VPS35L: variants seen among roughly 807,000 people sequenced by gnomAD.
VPS35L encodes the protein VPS35 endosomal protein-sorting factor-like.
VPS35L carries 83 observed loss-of-function variants against 133.0 expected under a neutral mutation model. The ratio of observed to expected loss-of-function variants is 0.62; its 90% CI spans 0.52 to 0.75. The LOEUF (loss-of-function observed/expected upper bound fraction) is 0.75, where lower values mean the gene tolerates loss of function less well. Ranked by LOEUF, VPS35L falls within the 30% of genes least tolerant of loss-of-function variation. The pLI, the probability that VPS35L is intolerant of heterozygous loss-of-function variation, is 0.00. For synonymous variants in VPS35L, 423 were observed against 449.9 expected, an observed-to-expected ratio of 0.94 and a Z score of 0.76; for missense variants, 1,083 against 1,206.8, an observed-to-expected ratio of 0.90 and a Z score of 1.52.
At chr16:19,657,111 G>A (rs1018555024) in intron 26 of VPS35L, among the ~76,000 whole-genome samples, 2 of 151,710 alleles carry the variant, frequency 1.3e-5, no homozygotes, top group African/African-American at 2.4e-5. Flanking sequence ...GACTACAGGC[G>A]TGCACCACCA....
At chr16:19,615,041 T>A (rs1331060930) in intron 12 of VPS35L, among the ~76,000 whole-genome samples, 1 of 152,204 alleles carries the variant, frequency 6.6e-6, no homozygotes, top group Non-Finnish European at 1.5e-5. Flanking sequence ...AAGAATGAAT[T>A]TGTATAGCTT....
chr16:19,644,813 C>T, intron 22 of VPS35L, 73 bp from the exon 23 acceptor site: 1 of 1,074,688 alleles, frequency 9.3e-7, no homozygotes, highest in South Asian at 1.6e-5. Flanking sequence ...ATTACTTACC[C>T]CTTGTGTATT....
intron 14 of VPS35L, among the ~76,000 whole-genome samples, chr16:19,618,335 A>G (rs1972964866): frequency 6.6e-6 from 1 of 152,166 alleles, no homozygotes; most frequent in South Asian, 2.1e-4. Context: ...GAGTGCATAA[A>G]CATTATAAAC....
At chr16:19,675,400 T>G (rs1975030896) in intron 27 of VPS35L, among the ~76,000 whole-genome samples, 1 of 152,144 alleles carries the variant, frequency 6.6e-6, no homozygotes, top group Admixed American at 6.5e-5. Context: ...TGTTTCCACA[T>G]CTGAGCTCTT....
At chr16:19,569,378 G>A in intron 2 of VPS35L, 46 bp from the exon 3 acceptor site, 1 of 1,596,484 alleles carries the variant, frequency 6.3e-7, no homozygotes, top group East Asian at 2.2e-5. Flanking sequence ...TTTCACTGGA[G>A]AGAGTTGTGG....
At position 19,569,553 on chromosome 16, in the gene VPS35L, G is replaced by A; in HGVS notation, c.247G>A (p.Ala83Thr). The change falls in exon 3 of 31, where the codon GCA becomes ACA. Residue 83 changes from alanine (A) to threonine (T), a missense_variant. Ala to Thr is a moderately conservative substitution (Grantham distance 58). Transcript: ENST00000417362. ...LDGTDPLSMFAATADPAALAA... is the reference protein window; with the variant it reads ...LDGTDPLSMFTATADPAALAA... ...TGGGACTGACCCCCTCTCCATGTTT[G>A]CAGCCACTGCTGACCCCGCAGCCTT... is the stretch of plus-strand genomic sequence containing the variant. 1 of 1,588,810 alleles carries A rather than the reference G, an allele frequency of 6.3e-7. No individual in the cohort carries two copies. The highest frequency in any genetic ancestry group is 8.6e-7 in the Non-Finnish European group (1 of 1,168,112).
intron 22 of VPS35L, among the ~76,000 whole-genome samples, chr16:19,642,890 A>G (rs1416382380): frequency 1.3e-5 from 2 of 152,220 alleles, no homozygotes; most frequent in Non-Finnish European, 2.9e-5. Flanking sequence ...ATCCACAGGC[A>G]TTACCTTTCA....
intron 7 of VPS35L, among the ~76,000 whole-genome samples, chr16:19,583,683 C>T (rs188122600): frequency 1.5e-4 from 23 of 150,898 alleles, no homozygotes; most frequent in Non-Finnish European, 1.5e-4. Flanking sequence ...GATCGCACTA[C>T]ACCACTCCAG....
intron 26 of VPS35L, among the ~76,000 whole-genome samples, chr16:19,659,008 T>C (rs1470858330): frequency 6.6e-6 from 1 of 152,232 alleles, no homozygotes; most frequent in Non-Finnish European, 1.5e-5. Context: ...ATTTAACCAC[T>C]GTGCCTCTCT....
intron 5 of VPS35L, among the ~76,000 whole-genome samples, chr16:19,575,652 C>T (rs1971508039): frequency 6.8e-6 from 1 of 147,056 alleles, no homozygotes; most frequent in Non-Finnish European, 1.5e-5. Context: ...CGCCTGAGGT[C>T]AGGAGTTTGA....
At chr16:19,587,703 AAATC>A (rs1184694614) in intron 7 of VPS35L, among the ~76,000 whole-genome samples, 7 of 152,088 alleles carry the variant, frequency 4.6e-5, no homozygotes, top group African/African-American at 1.7e-4. Flanking sequence ...AAAAAAACAA[AAATC>A]AATCGACCAT....
Position 19,608,268 on chromosome 16 carries a change from C to A in VPS35L, c.875C>A (p.Pro292Gln). ...FKIASIRELI[P>Q]RFYVEASILK... ...ATTGCCTCCATCAGGGAACTCATTC[C>A]AAGATTGTATCCTTTTTTTTTTTTT... Residue 292 changes from proline to glutamine, a missense_variant, in exon 10 of 31, where the codon CCA (proline) becomes CAA (glutamine). Pro to Gln is a moderately conservative substitution (Grantham distance 76). Coordinates refer to ENST00000417362, the MANE Select transcript of VPS35L (RefSeq NM_020314.7). 6.4e-7 allele frequency: 1 copy of A among 1,568,504 alleles called. No individual in the cohort carries two copies.
chr16:19,577,265 G>A (rs1597320997), intron 5 of VPS35L, among the ~76,000 whole-genome samples: 2 of 152,238 alleles, frequency 1.3e-5, no homozygotes, highest in East Asian at 1.9e-4. Context: ...GCAAATGAGA[G>A]CAGGTGTGTG....
intron 14 of VPS35L, among the ~76,000 whole-genome samples, chr16:19,621,109 T>C (rs1278152156): frequency 6.6e-6 from 1 of 152,126 alleles, no homozygotes; most frequent in Non-Finnish European, 1.5e-5. Context: ...TGTAATAACA[T>C]GGAGAAGAGA....
Position 19,610,620 on chromosome 16 carries a change from G to C in VPS35L, c.1023+205G>C, listed in dbSNP as rs377559162. The C allele has an allele frequency of 1.4e-3, 592 of 414,218 alleles. 2 individuals carry two copies. Among genetic ancestry groups the C allele is most frequent in the South Asian group, 2.5e-3 (36 of 14,674 alleles). 25.7% of individuals were successfully genotyped at this position (414,218 alleles called of 1,614,324 possible). On this transcript the variant is annotated intron_variant, in intron 12 of 30. Coordinates refer to ENST00000417362, the MANE Select transcript of VPS35L (RefSeq NM_020314.7). ...TAATTTTAAAGTAGACCAACTTACT[G>C]TAGCTCTAATTAGGGGACGTTTAAG...
At chr16:19,627,661 A>C (rs781612988) in intron 15 of VPS35L, 33 bp from the exon 16 acceptor site, 27 of 1,508,482 alleles carry the variant, frequency 1.8e-5, no homozygotes, top group African/African-American at 4.1e-5. Flanking sequence ...ATTGAGGAGA[A>C]GCCAGGCTGA....
intron 29 of VPS35L, chr16:19,694,059 C>T (rs1975814543): frequency 6.6e-6 from 1 of 150,856 alleles, no homozygotes; most frequent in South Asian, 2.1e-4. Flanking sequence ...GTGTATTATA[C>T]ATTTCAAAAT....
At chr16:19,691,076 G>C (rs889719247) in intron 28 of VPS35L, among the ~76,000 whole-genome samples, 1 of 152,192 alleles carries the variant, frequency 6.6e-6, no homozygotes, top group Non-Finnish European at 1.5e-5. Flanking sequence ...CTGTGATGAT[G>C]ATTATTATTA....
chr16:19,669,283 C>T lies in VPS35L; in HGVS notation c.2345C>T (p.Thr782Ile), dbSNP rs1974797571. ...GAATTCCTCTGCAATTTCTTTTCTA[C>T]TTTATTAATAGTTCCGGTACGTTTC... is the stretch of plus-strand genomic sequence containing the variant. Reference protein sequence around the residue: ...LLEFLCNFFSTLLIVPDHPEH... With the variant: ...LLEFLCNFFSILLIVPDHPEH... Residue 782 changes from threonine (T) to isoleucine (I), a missense_variant, in exon 27 of 31, where the codon ACT becomes ATT. Physicochemically the swap from Thr to Ile is moderately conservative, Grantham distance 89. Coordinates refer to ENST00000417362, the MANE Select transcript of VPS35L (RefSeq NM_020314.7). 1.9e-6 allele frequency: 3 copies of T among 1,611,504 alleles called. No individual in the cohort carries two copies. Among genetic ancestry groups the T allele is most frequent in the African/African-American group, 1.3e-5 (1 of 74,914 alleles).
Sources: gnomAD v4.1 joint callset for allele counts (sites outside exome capture counted in the v4.1 genomes callset) on GRCh38, gnomAD v4.1.1 for gene constraint, MANE v1.5 for transcripts, NCBI Gene and HGNC (gene_info 2026-07-23, HGNC 2026-07-21) for gene names.